GPC6: variants seen among roughly 807,000 people sequenced by gnomAD.
GPC6 encodes glypican-6.
In GPC6, 14 loss-of-function variants were observed where a neutral mutation model predicts 55.2. The observed-to-expected ratio is 0.25, with a 90% CI of 0.17 to 0.40. The LOEUF (loss-of-function observed/expected upper bound fraction) is 0.40. Ranked by LOEUF, GPC6 falls within the 10% of genes least tolerant of loss-of-function variation. The pLI, the probability that GPC6 is intolerant of heterozygous loss-of-function variation, is 1.00. For synonymous variants in GPC6, 278 were observed against 259.6 expected (o/e 1.07, Z -0.68); for missense variants, 641 against 708.5 (o/e 0.90, Z 1.08).
At chr13:93,242,293 C>G (rs1876460556) in intron 1 of GPC6, among the ~76,000 whole-genome samples, 1 of 152,140 alleles carries the variant, frequency 6.6e-6, no homozygotes, top group Non-Finnish European at 1.5e-5. Context: ...TACCTCAGCT[C>G]TACTACAAGC....
intron 1 of GPC6, among the ~76,000 whole-genome samples, chr13:93,507,028 C>T (rs1880753872): frequency 8.2e-6 from 1 of 122,008 alleles, no homozygotes; most frequent in Admixed American, 1.1e-4. Flanking sequence ...TGCCACTGCA[C>T]TACAGCCTGG....
chr13:93,398,870 C>T (rs1875960319), intron 1 of GPC6, among the ~76,000 whole-genome samples: 1 of 152,146 alleles, frequency 6.6e-6, no homozygotes, highest in Non-Finnish European at 1.5e-5. Context: ...ATGTATTAGA[C>T]AATTGTCTTC....
chr13:93,812,724 G>A lies in GPC6; in HGVS notation c.320-17430G>A, dbSNP rs140226327. Among the ~76,000 whole-genome samples, 109 of 152,250 alleles carry A rather than the reference G, an allele frequency of 7.2e-4. 1 individual carries two copies. The East Asian group carries it at 7.7e-3, about 11-fold the overall frequency. Reference sequence around the variant, plus strand: ...GGTGTTTGTTATTAGCAAGTGTTTCGTTCTTGAGAAACTAATAATAATTGG... The same window carrying A: ...GGTGTTTGTTATTAGCAAGTGTTTCATTCTTGAGAAACTAATAATAATTGG... On this transcript the variant is annotated intron_variant, in intron 2 of 8. Coordinates refer to ENST00000377047, the MANE Select transcript of GPC6 (RefSeq NM_005708.5).
chr13:94,139,758 C>G (rs1887311216), intron 4 of GPC6, among the ~76,000 whole-genome samples: 3 of 152,162 alleles, frequency 2.0e-5, no homozygotes, highest in African/African-American at 7.2e-5. Flanking sequence ...TCATTCTCCT[C>G]TGATGATGTT....
Position 94,315,754 on chromosome 13 carries a change from A to T in GPC6, c.1152+9631A>T, listed in dbSNP as rs1248570986. Among the ~76,000 whole-genome samples, 7 of 152,344 alleles carry T rather than the reference A, an allele frequency of 4.6e-5. No individual in the cohort carries two copies. The East Asian group carries it at 1.3e-3, about 29-fold the overall frequency. ...TTACATGAAAAGGAACAGAAAAATC[A>T]GTCTTTCCTTTATTCACCATATTTA... On this transcript the variant is annotated intron_variant, in intron 6 of 8. Coordinates refer to ENST00000377047, the MANE Select transcript of GPC6 (RefSeq NM_005708.5).
chr13:93,953,136 T>G (rs1566619891), intron 3 of GPC6, among the ~76,000 whole-genome samples: 2 of 152,000 alleles, frequency 1.3e-5, no homozygotes, highest in African/African-American at 2.4e-5. Context: ...CCACCTTCCC[T>G]CGTGGTTTTT....
At chr13:93,632,033 G>T (rs898026705) in intron 2 of GPC6, among the ~76,000 whole-genome samples, 1 of 152,072 alleles carries the variant, frequency 6.6e-6, no homozygotes, top group Non-Finnish European at 1.5e-5. Flanking sequence ...AATGTGATTT[G>T]GGTCCTTTTG....
chr13:93,434,738 C>T (rs540242912), intron 1 of GPC6, among the ~76,000 whole-genome samples: 4 of 152,264 alleles, frequency 2.6e-5, no homozygotes, highest in Admixed American at 6.5e-5. Context: ...GACAGAGTCT[C>T]GTTCTGTCGC....
At chr13:93,266,478 G>C (rs912343835) in intron 1 of GPC6, among the ~76,000 whole-genome samples, 1 of 152,146 alleles carries the variant, frequency 6.6e-6, no homozygotes, top group African/African-American at 2.4e-5. Context: ...GAAGGAGGTT[G>C]AGTTCGTAAG....
intron 1 of GPC6, among the ~76,000 whole-genome samples, chr13:93,259,120 A>G (rs1877050654): frequency 6.6e-6 from 1 of 152,178 alleles, no homozygotes; most frequent in African/African-American, 2.4e-5. Flanking sequence ...TTTAGAAACA[A>G]GCTCCACTTC....
intron 2 of GPC6, among the ~76,000 whole-genome samples, chr13:93,773,652 G>A (rs986000117): frequency 6.6e-6 from 1 of 152,060 alleles, no homozygotes; most frequent in African/African-American, 2.4e-5. Context: ...TACGTTTCAC[G>A]GGTTCAGTCT....
chr13:94,039,220 C>T (rs1316760477), intron 4 of GPC6, among the ~76,000 whole-genome samples: 1 of 151,952 alleles, frequency 6.6e-6, no homozygotes. Context: ...AGGCCAAATA[C>T]TTGACCTTCT....
At chr13:93,744,060 C>T (rs948832258) in intron 2 of GPC6, among the ~76,000 whole-genome samples, 1 of 152,116 alleles carries the variant, frequency 6.6e-6, no homozygotes, top group Non-Finnish European at 1.5e-5. Context: ...GATTTATTCC[C>T]TGCTGGAGGA....
intron 1 of GPC6, among the ~76,000 whole-genome samples, chr13:93,511,160 T>G (rs1051657074): frequency 1.6e-4 from 24 of 150,116 alleles, no homozygotes; most frequent in Non-Finnish European, 1.0e-4. Flanking sequence ...TTACTCTGTT[T>G]ATTATTTCTT....
intron 3 of GPC6, among the ~76,000 whole-genome samples, chr13:93,841,510 G>C (rs1000829844): frequency 6.6e-6 from 1 of 152,150 alleles, no homozygotes; most frequent in African/African-American, 2.4e-5. Context: ...TTAGAATATA[G>C]TAATCATACC....
intron 3 of GPC6, among the ~76,000 whole-genome samples, chr13:93,903,949 C>T (rs1007098054): frequency 1.3e-5 from 2 of 151,820 alleles, no homozygotes; most frequent in African/African-American, 4.9e-5. Context: ...CAAAGAAGAA[C>T]ATGTCCTGTC....
At chr13:93,755,808 T>G (rs1273082544) in intron 2 of GPC6, among the ~76,000 whole-genome samples, 1 of 152,204 alleles carries the variant, frequency 6.6e-6, no homozygotes, top group East Asian at 1.9e-4. Context: ...AAATAGAGTC[T>G]ATGACAGACA....
intron 3 of GPC6, among the ~76,000 whole-genome samples, chr13:93,833,075 A>G (rs1887581629): frequency 7.0e-6 from 1 of 143,704 alleles, no homozygotes; most frequent in Admixed American, 7.0e-5. Context: ...GGATGGATGG[A>G]TGGATGGATG....
At chr13:94,383,366 G>A (rs915487131) in intron 7 of GPC6, among the ~76,000 whole-genome samples, 5 of 152,188 alleles carry the variant, frequency 3.3e-5, no homozygotes, top group Non-Finnish European at 5.9e-5. Flanking sequence ...GATGCTAAGA[G>A]GGGAGTCTGT....
Sources: gnomAD v4.1 joint callset for allele counts (sites outside exome capture counted in the v4.1 genomes callset) on GRCh38, gnomAD v4.1.1 for gene constraint, MANE v1.5 for transcripts, NCBI Gene and HGNC (gene_info 2026-07-23, HGNC 2026-07-21) for gene names.